FGF12: variants seen among roughly 807,000 people sequenced by gnomAD.
FGF12 encodes the protein fibroblast growth factor 12B.
In FGF12, 14 loss-of-function variants were observed where a neutral mutation model predicts 23.6. That is an observed-to-expected ratio of 0.59 (90% CI 0.39 to 0.93). The LOEUF (loss-of-function observed/expected upper bound fraction) is 0.93. FGF12 is among the 40% of genes least tolerant of loss of function. FGF12 has a pLI of 0.00. For missense variants in FGF12, 175 were observed against 217.8 expected (o/e 0.80, Z 1.24); for synonymous variants, 62 against 77.3 (o/e 0.80, Z 1.04).
chr3:192,631,158 T>C (rs546281953), intron 2 of FGF12, among the ~76,000 whole-genome samples: 2 of 152,306 alleles, frequency 1.3e-5, no homozygotes, highest in East Asian at 1.9e-4. Context: ...CTTTTTTTGC[T>C]AACCTGCTTC....
intron 4 of FGF12, among the ~76,000 whole-genome samples, chr3:192,319,304 A>C (rs1208446656): frequency 6.6e-6 from 1 of 152,168 alleles, no homozygotes; most frequent in Non-Finnish European, 1.5e-5. Flanking sequence ...TATCAAAAAT[A>C]ATAACTACTG....
At chr3:192,482,127 CTA>C (rs1368704463) in intron 2 of FGF12, among the ~76,000 whole-genome samples, 1 of 152,140 alleles carries the variant, frequency 6.6e-6, no homozygotes. Flanking sequence ...ATTGGGATCA[CTA>C]TGAGTTTCCA....
intron 2 of FGF12, among the ~76,000 whole-genome samples, chr3:192,590,335 TATAG>T (rs376631185): frequency 7.5e-4 from 114 of 152,096 alleles, no homozygotes; most frequent in African/African-American, 2.6e-3. Context: ...TGTCATACTT[TATAG>T]ATAGTTAATT....
chr3:192,426,338 A>G (rs1219790247), intron 2 of FGF12, among the ~76,000 whole-genome samples: 1 of 152,220 alleles, frequency 6.6e-6, no homozygotes, highest in Admixed American at 6.5e-5. Context: ...TTAGCACAGC[A>G]GAGGGCTAGG....
rs371629819 is a variant in FGF12, at chr3:192,316,283, C to T, written c.228+19078G>A. On this transcript the variant is annotated intron_variant, in intron 4 of 5. Coordinates refer to ENST00000445105, the MANE Select transcript of FGF12 (RefSeq NM_004113.6). ...AATAACTACCTACACAAAAAAAAAT[C>T]CTTCATAATAACCAAACATCAGATG... Among the ~76,000 whole-genome samples, 10 of 151,940 alleles carry T rather than the reference C, an allele frequency of 6.6e-5. No individual in the cohort carries two copies. In the East Asian group the frequency reaches 1.9e-3, roughly 29 times the overall value.
chr3:192,419,712 A>G (rs1255341255), intron 2 of FGF12, among the ~76,000 whole-genome samples: 1 of 152,174 alleles, frequency 6.6e-6, no homozygotes, highest in Non-Finnish European at 1.5e-5. Flanking sequence ...AAAAAGGGAA[A>G]ATAAGGAATC....
chr3:192,602,809 A>G lies in FGF12; in HGVS notation c.13+124372T>C, dbSNP rs143367343. On this transcript the variant is annotated intron_variant, in intron 2 of 5. Transcript: ENST00000445105. ...TCCTCATCAAAATACTAGCAAACCA[A>G]ATCCAGCAGCACACAAAAAGTCAAT... Among the ~76,000 whole-genome samples, 809 of 152,174 alleles carry G rather than the reference A, an allele frequency of 5.3e-3. 6 individuals carry two copies. Among genetic ancestry groups the G allele is most frequent in the African/African-American group, 0.018 (757 of 41,532 alleles).
intron 5 of FGF12, among the ~76,000 whole-genome samples, chr3:192,161,582 A>G (rs12497492): frequency 0.066 from 10,042 of 152,014 alleles, 407 homozygotes; most frequent in African/African-American, 0.096. Context: ...TGAAGTTACC[A>G]GGTAACAATT....
intron 2 of FGF12, among the ~76,000 whole-genome samples, chr3:192,482,582 C>T (rs986803569): frequency 1.3e-5 from 2 of 152,042 alleles, no homozygotes; most frequent in Non-Finnish European, 2.9e-5. Context: ...TGCAATGAGC[C>T]AAGATCGCAT....
chr3:192,246,922 AAG>A (rs200246507), intron 4 of FGF12, among the ~76,000 whole-genome samples: 1,404 of 104,968 alleles, frequency 0.013, 21 homozygotes, highest in Non-Finnish European at 0.018. Flanking sequence ...GAGAAAAAGA[AAG>A]AAAGAAAGAA....
chr3:192,240,188 A>G lies in FGF12; in HGVS notation c.229-69532T>C, dbSNP rs140433758. Among the ~76,000 whole-genome samples the G allele has an allele frequency of 1.8e-3, 270 of 152,274 alleles. 1 individual carries two copies. Among genetic ancestry groups the G allele is most frequent in the Non-Finnish European group, 3.1e-3 (210 of 68,018 alleles). ...ATGCATTCATGCTTCATTTTTCCAT[A>G]TGTTTGTTATTCAACACCACACGAT... On this transcript the variant is annotated intron_variant, in intron 4 of 5. Transcript: ENST00000445105.
chr3:192,187,931 GT>G (rs1425949012), intron 4 of FGF12, among the ~76,000 whole-genome samples: 1 of 152,182 alleles, frequency 6.6e-6, no homozygotes, highest in Admixed American at 6.5e-5. Context: ...GAAATAAACA[GT>G]AGCAGATCTA....
At chr3:192,663,936 A>G (rs1320641124) in intron 2 of FGF12, among the ~76,000 whole-genome samples, 2 of 152,314 alleles carry the variant, frequency 1.3e-5, no homozygotes, top group East Asian at 3.9e-4. Context: ...CATTAGACAG[A>G]CAGGCAGGTA....
At position 192,143,221 on chromosome 3, in the gene FGF12, T is replaced by TAAAAAAAAAAAA. The variant is rs201536757; in HGVS notation, c.*776_*787dup. 2.0e-5 allele frequency: 2 copies of TAAAAAAAAAAAA among 99,256 alleles called. No homozygotes were observed. The highest frequency in any genetic ancestry group is 7.5e-5 in the African/African-American group (2 of 26,638). 6.1% of individuals were successfully genotyped at this position (99,256 alleles called of 1,614,324 possible). A position where few individuals can be genotyped will look rare whatever the true frequency, so the allele number is the denominator to read the frequency against. ...AACAGTAATGTTTTTGCTAAATTAC[T>TAAAAAAAAAAAA]AAAAAAAAAAAAAAAAGAAAGAAAG... On this transcript the variant is annotated 3_prime_UTR_variant, in exon 6 of 6. Transcript: ENST00000445105.
At chr3:192,671,093 AT>A (rs1456095683) in intron 2 of FGF12, among the ~76,000 whole-genome samples, 2 of 152,338 alleles carry the variant, frequency 1.3e-5, no homozygotes, top group East Asian at 3.9e-4. Context: ...TAGGTTTTCA[AT>A]GAATAAATGG....
chr3:192,672,500 T>C (rs1717161983), intron 2 of FGF12, among the ~76,000 whole-genome samples: 1 of 150,872 alleles, frequency 6.6e-6, no homozygotes, highest in Admixed American at 6.7e-5. Flanking sequence ...CTTGGAAAGA[T>C]GCATACAGCT....
intron 2 of FGF12, among the ~76,000 whole-genome samples, chr3:192,398,947 C>T (rs1195102089): frequency 7.2e-5 from 11 of 152,128 alleles, no homozygotes; most frequent in Admixed American, 5.2e-4. Context: ...TTAACAGCAA[C>T]TGAAGAACTG....
rs375561210 is a variant in FGF12 at position 192,678,375 on chromosome 3, T to A, written c.13+48806A>T. ...CACTATCCTGGTCTGCTTCTTGCAC[T>A]GAGGGCCACCATTACTGTCACTTTT... On this transcript the variant is annotated intron_variant, in intron 2 of 5. Transcript: ENST00000445105. Among the ~76,000 whole-genome samples the A allele has an allele frequency of 2.6e-5, 4 of 152,226 alleles. No individual in the cohort carries two copies. In the East Asian group the frequency reaches 7.7e-4, roughly 29 times the overall value.
intron 2 of FGF12, among the ~76,000 whole-genome samples, chr3:192,722,508 T>C (rs1429285522): frequency 6.6e-6 from 1 of 152,132 alleles, no homozygotes; most frequent in South Asian, 2.1e-4. Context: ...GAACAAAGAA[T>C]TGAATCTTCC....
Sources: allele counts gnomAD v4.1 joint callset (sites outside exome capture counted in the v4.1 genomes callset), GRCh38; gene constraint gnomAD v4.1.1; transcripts MANE v1.5; gene names NCBI Gene and HGNC (gene_info 2026-07-23, HGNC 2026-07-21).